MAGI2: variants seen among roughly 807,000 people sequenced by gnomAD.
MAGI2 encodes the protein membrane-associated guanylate kinase, WW and PDZ domain-containing protein 2.
MAGI2 carries 35 observed loss-of-function variants against 133.3 expected under a neutral mutation model. The ratio of observed to expected loss-of-function variants is 0.26; its 90% confidence interval spans 0.20 to 0.35. The LOEUF (loss-of-function observed/expected upper bound fraction) is 0.35, where lower values mean the gene tolerates loss of function less well. MAGI2 is among the 10% of genes least tolerant of loss of function. MAGI2 has a pLI of 1.00. For synonymous variants in MAGI2, 729 were observed against 710.6 expected, an observed-to-expected ratio of 1.03 and a Z score of -0.41; for missense variants, 1,636 against 1,863.4, an observed-to-expected ratio of 0.88 and a Z score of 2.25.
chr7:79,339,745 T>C (rs976824160), intron 1 of MAGI2, among the ~76,000 whole-genome samples: 2 of 152,150 alleles, frequency 1.3e-5, no homozygotes, highest in African/African-American at 4.8e-5. Flanking sequence ...GTTTGTGGCT[T>C]TATACTTAAT....
At chr7:78,707,368 G>A (rs1818759230) in intron 2 of MAGI2, among the ~76,000 whole-genome samples, 1 of 152,000 alleles carries the variant, frequency 6.6e-6, no homozygotes, top group South Asian at 2.1e-4. Context: ...TGCCTGAAAG[G>A]TGAATCTGTG....
rs10526268 is a variant in MAGI2 at position 78,903,172 on chromosome 7, C to CTTT, written c.418+103915_418+103917dup. Among the ~76,000 whole-genome samples, 32 of 56,118 alleles carry CTTT rather than the reference C, an allele frequency of 5.7e-4. 5 individuals are homozygous for CTTT. The highest frequency in any genetic ancestry group is 1.5e-3 in the Admixed American group (5 of 3,270). 36.8% of individuals were successfully genotyped at this position (56,118 alleles called of 152,430 possible). ...TTCATGCAAGTGGGAGTTCCTGAAT[C>CTTT]TTTTTTTTTTTTTTTTTTTTTTTTT... On this transcript the variant is annotated intron_variant, in intron 2 of 21. Transcript: ENST00000354212.
At chr7:79,405,921 CAAAA>C (rs34025242) in intron 1 of MAGI2, among the ~76,000 whole-genome samples, 63 of 107,300 alleles carry the variant, frequency 5.9e-4, no homozygotes, top group East Asian at 1.5e-3. Flanking sequence ...AACCACAACA[CAAAA>C]AAAAAAAAAA....
intron 6 of MAGI2, among the ~76,000 whole-genome samples, chr7:78,391,154 C>T (rs1276151423): frequency 6.6e-6 from 1 of 152,226 alleles, no homozygotes; most frequent in East Asian, 1.9e-4. Flanking sequence ...ATTCTCTCCA[C>T]ATCGCTCTTC....
At chr7:79,065,367 AT>A (rs1361577222) in intron 1 of MAGI2, among the ~76,000 whole-genome samples, 1 of 152,134 alleles carries the variant, frequency 6.6e-6, no homozygotes, top group Non-Finnish European at 1.5e-5. Flanking sequence ...TATCTTAATC[AT>A]ATTTGTTTGC....
intron 9 of MAGI2, among the ~76,000 whole-genome samples, chr7:78,258,329 A>C (rs536150293): frequency 6.6e-6 from 1 of 152,320 alleles, no homozygotes; most frequent in Admixed American, 6.5e-5. Flanking sequence ...GTCCCAGAGA[A>C]GTGTCTGATT....
At chr7:78,358,206 T>A (rs1405708048) in intron 7 of MAGI2, 44 of 32,970 alleles carry the variant, frequency 1.3e-3, no homozygotes, top group African/African-American at 1.7e-3. Flanking sequence ...AATATATATA[T>A]ATATATATAT....
intron 2 of MAGI2, among the ~76,000 whole-genome samples, chr7:78,799,528 G>C (rs1787889600): frequency 6.6e-6 from 1 of 152,152 alleles, no homozygotes; most frequent in African/African-American, 2.4e-5. Flanking sequence ...AGGAAGTGGT[G>C]AAAACCTTTA....
intron 1 of MAGI2, chr7:79,009,103 C>T (rs1444571559): frequency 1.3e-5 from 2 of 152,064 alleles, no homozygotes; most frequent in Non-Finnish European, 2.9e-5. Context: ...TATAGAACAA[C>T]AGATGTAGTC....
intron 1 of MAGI2, among the ~76,000 whole-genome samples, chr7:79,371,463 GATTAA>G (rs1384356057): frequency 1.3e-5 from 2 of 151,888 alleles, no homozygotes; most frequent in African/African-American, 4.8e-5. Flanking sequence ...GGTCTTATAA[GATTAA>G]ATTATAGTAT....
At chr7:78,754,370 C>CAAGTAAATAAAT (rs36017820) in intron 2 of MAGI2, among the ~76,000 whole-genome samples, 170 of 147,284 alleles carry the variant, frequency 1.2e-3, no homozygotes, top group Middle Eastern at 3.4e-3. Context: ...GACCCTGTCT[C>CAAGTAAATAAAT]AAATAAATAA....
At chr7:78,370,184 G>C (rs9986818) in intron 6 of MAGI2, among the ~76,000 whole-genome samples, 126,046 of 152,058 alleles carry the variant, frequency 0.83, 52,399 homozygotes, top group African/African-American at 0.87. Flanking sequence ...AAAATAACCA[G>C]TGTTAATATT....
intron 2 of MAGI2, among the ~76,000 whole-genome samples, chr7:78,735,827 T>A (rs988876257): frequency 6.6e-6 from 1 of 152,086 alleles, no homozygotes; most frequent in Non-Finnish European, 1.5e-5. Flanking sequence ...TAGATTTACT[T>A]TTAAAACACC....
At chr7:78,994,058 G>C (rs184133741) in intron 2 of MAGI2, among the ~76,000 whole-genome samples, 1 of 151,774 alleles carries the variant, frequency 6.6e-6, no homozygotes, top group Non-Finnish European at 1.5e-5. Flanking sequence ...GCCTAGTGAA[G>C]GGATCCAGCT....
chr7:78,071,021 C>G (rs1309393043), intron 21 of MAGI2, among the ~76,000 whole-genome samples: 1 of 152,092 alleles, frequency 6.6e-6, no homozygotes, highest in Non-Finnish European at 1.5e-5. Context: ...CAAGTTAGGA[C>G]TTGCAGGTTG....
intron 1 of MAGI2, among the ~76,000 whole-genome samples, chr7:79,202,181 C>A (rs1328683482): frequency 1.3e-5 from 2 of 151,746 alleles, no homozygotes; most frequent in Non-Finnish European, 2.9e-5. Context: ...TATAATGATA[C>A]CAGTATTACC....
At chr7:79,199,051 A>T (rs1362190817) in intron 1 of MAGI2, among the ~76,000 whole-genome samples, 1 of 152,082 alleles carries the variant, frequency 6.6e-6, no homozygotes, top group East Asian at 1.9e-4. Flanking sequence ...AAAAATTAAA[A>T]TTGAAGTAAA....
chr7:78,455,594 G>A, intron 6 of MAGI2, among the ~76,000 whole-genome samples: 1 of 152,134 alleles, frequency 6.6e-6, no homozygotes, highest in African/African-American at 2.4e-5. Context: ...ATATTTTAAT[G>A]AAAATAAAAA....
intron 10 of MAGI2, among the ~76,000 whole-genome samples, chr7:78,215,932 ATAAG>A (rs1310291108): frequency 1.3e-5 from 2 of 152,236 alleles, no homozygotes; most frequent in Admixed American, 6.5e-5. Context: ...TAGCAGTTAA[ATAAG>A]CATTAGCTTT....
Sources: allele counts gnomAD v4.1 joint callset (sites outside exome capture counted in the v4.1 genomes callset), GRCh38; gene constraint gnomAD v4.1.1; transcripts MANE v1.5; gene names NCBI Gene and HGNC (gene_info 2026-07-23, HGNC 2026-07-21).